Variants in AFF2 observed in about 807,000 individuals in gnomAD.
AFF2 encodes the protein ALF transcription elongation factor 2.
A neutral mutation model predicts 76.9 loss-of-function variants in AFF2; 14 were observed. That is an observed-to-expected ratio of 0.18 (90% CI 0.12 to 0.28). AFF2 has a LOEUF of 0.28. Among genes scored for constraint, AFF2 ranks in the 10% least tolerant of loss-of-function variants. The pLI is 1.00. For missense variants in AFF2, 868 were observed against 1,001.1 expected (o/e 0.87, Z 1.79); for synonymous variants, 398 against 366.7 (o/e 1.09, Z -0.98).
intron 3 of AFF2, among the ~76,000 whole-genome samples, chrX:148,803,471 A>G (rs1333138835): frequency 2.7e-5 from 3 of 111,510 alleles, no homozygotes; most frequent in Non-Finnish European, 3.8e-5. Flanking sequence ...GAGACAGGGC[A>G]TCCTTGAGGG....
In AFF2 at chrX:148,829,423, A is replaced by G. The variant is rs143598470; in HGVS notation, c.1087-8224A>G. Among the ~76,000 whole-genome samples the G allele has an allele frequency of 5.7e-3, 633 of 111,802 alleles. 4 individuals carry two copies. The highest frequency in any genetic ancestry group is 9.5e-3 in the Non-Finnish European group (503 of 53,131). ...CTAGTGATCAAGCCTAGGAAAGTCTATGGTTCCACTGTTGTTAGATTTTCT... is the reference window on the plus strand; with the variant it reads ...CTAGTGATCAAGCCTAGGAAAGTCTGTGGTTCCACTGTTGTTAGATTTTCT... On this transcript the variant is annotated intron_variant, in intron 4 of 20. Transcript: ENST00000370460.
chrX:148,858,913 T>G (rs1557276160), intron 7 of AFF2, among the ~76,000 whole-genome samples: 1 of 108,904 alleles, frequency 9.2e-6, no homozygotes. Flanking sequence ...TATTGTATAG[T>G]TCATATACTA....
chrX:148,594,104 T>C (rs1246480767), intron 1 of AFF2, among the ~76,000 whole-genome samples: 4 of 110,655 alleles, frequency 3.6e-5, no homozygotes, highest in African/African-American at 1.3e-4. Flanking sequence ...GGAATTTCGG[T>C]TTATGAAACA....
rs1036942079 is a variant in AFF2, at chrX:148,953,744, G to A, written c.1557+5G>A. On this transcript the variant is annotated splice_donor_5th_base_variant and intron_variant, in intron 10 of 20. Transcript: ENST00000370460. ...CCTCGTGTGGCAACTCCAGAGGTGA[G>A]TGAAGGTGCCAGGGCCCTAACCATG... 2 of 1,202,156 alleles carry A rather than the reference G, an allele frequency of 1.7e-6. No homozygotes were observed. The highest frequency in any genetic ancestry group is 1.8e-5 in the South Asian group (1 of 55,242).
intron 4 of AFF2, among the ~76,000 whole-genome samples, chrX:148,833,053 G>A (rs1411365135): frequency 9.0e-6 from 1 of 111,071 alleles, no homozygotes; most frequent in African/African-American, 3.3e-5. Flanking sequence ...CACTATTTGA[G>A]CAGCTACTAT....
At chrX:148,805,709 G>A (rs2070121869) in intron 3 of AFF2, among the ~76,000 whole-genome samples, 1 of 112,661 alleles carries the variant, frequency 8.9e-6, no homozygotes, top group Non-Finnish European at 1.9e-5. Flanking sequence ...TTATCACCAG[G>A]CAGATAATTT....
At chrX:148,532,061 A>G (rs1284994903) in intron 1 of AFF2, among the ~76,000 whole-genome samples, 1 of 111,153 alleles carries the variant, frequency 9.0e-6, no homozygotes, top group Admixed American at 9.6e-5. Context: ...AAGACAGAAC[A>G]TACAAATTGA....
intron 1 of AFF2, among the ~76,000 whole-genome samples, chrX:148,618,406 G>A (rs73618390): frequency 0.17 from 19,092 of 110,465 alleles, 1,229 homozygotes; most frequent in Non-Finnish European, 0.2. Flanking sequence ...GCCGACCAAA[G>A]GGGGAAAAGC....
rs1423383541 is a variant in AFF2, at chrX:148,719,350, C to T, written c.1041+56582C>T. 17 of 471,201 alleles carry T rather than the reference C, an allele frequency of 3.6e-5. No individual in the cohort carries two copies. The East Asian group carries it at 4.1e-4, about 11-fold the overall frequency. The allele number at this position is 471,201 out of a possible 1,213,427, so 38.8% of individuals were successfully genotyped here. A position where few individuals can be genotyped will look rare whatever the true frequency, so the allele number is the denominator to read the frequency against. ...GTGAGGTATTTCCTTTGGCTTAAAG[C>T]TATCCAAAGCACTGATTTAAATACA... On this transcript the variant is annotated intron_variant, in intron 3 of 20. Transcript: ENST00000370460.
Position 148,912,966 on chromosome X carries a change from C to T in AFF2, c.1397+8708C>T, listed in dbSNP as rs188328099. 7.7e-4 allele frequency among the ~76,000 whole-genome samples: 87 copies of T among 113,091 alleles called. 3 individuals are homozygous for T. Among genetic ancestry groups the T allele is most frequent in the Admixed American group, 7.1e-3 (77 of 10,791 alleles). On this transcript the variant is annotated intron_variant, in intron 9 of 20. Transcript: ENST00000370460. The stretch of plus-strand genomic sequence containing the variant: ...CTCTAGTCAATCTCTAACTGGCTCT[C>T]GCCAATTTAAGGACAATTAATGGAG...
chrX:148,835,788 CT>C (rs2070517206), intron 4 of AFF2, among the ~76,000 whole-genome samples: 1 of 110,917 alleles, frequency 9.0e-6, no homozygotes, highest in Non-Finnish European at 1.9e-5. Context: ...ACCTCACATA[CT>C]TTTTTTATGG....
chrX:148,568,021 A>T (rs1173566634), intron 1 of AFF2, among the ~76,000 whole-genome samples: 1 of 110,558 alleles, frequency 9.0e-6, no homozygotes, highest in Non-Finnish European at 1.9e-5. Context: ...AGTCCTTTTG[A>T]TATCATTGGG....
At chrX:148,618,613 T>TA (rs1408849173) in intron 1 of AFF2, among the ~76,000 whole-genome samples, 41 of 110,928 alleles carry the variant, frequency 3.7e-4, no homozygotes, top group Non-Finnish European at 5.3e-4. Flanking sequence ...GGATCTAATT[T>TA]AAAAAAAATA....
intron 9 of AFF2, among the ~76,000 whole-genome samples, chrX:148,940,759 A>G (rs1557285484): frequency 1.8e-5 from 2 of 111,732 alleles, no homozygotes; most frequent in Admixed American, 9.5e-5. Context: ...GTCCTCAGCT[A>G]TCTTATCACT....
intron 1 of AFF2, among the ~76,000 whole-genome samples, chrX:148,542,949 G>T (rs1305501658): frequency 1.8e-5 from 2 of 111,791 alleles, no homozygotes; most frequent in African/African-American, 6.5e-5. Flanking sequence ...TCACCAGGGG[G>T]AGAGCTGTAA....
chrX:148,681,120 G>A (rs2054542196), intron 3 of AFF2, among the ~76,000 whole-genome samples: 1 of 111,600 alleles, frequency 9.0e-6, no homozygotes, highest in African/African-American at 3.3e-5. Flanking sequence ...TTAGCTTTGT[G>A]ATTTGGACAA....
intron 3 of AFF2, among the ~76,000 whole-genome samples, chrX:148,697,164 T>A (rs962772560): frequency 3.6e-5 from 4 of 112,535 alleles, no homozygotes; most frequent in Non-Finnish European, 7.5e-5. Flanking sequence ...ATGAGCAACC[T>A]TAGAGCATGT....
rs1307052602 is a variant in AFF2, at chrX:148,773,618, AAAGG to A, written c.1042-36239_1042-36236del. On this transcript the variant is annotated intron_variant, in intron 3 of 20. Coordinates refer to ENST00000370460, the MANE Select transcript of AFF2 (RefSeq NM_002025.4). ...ATAGAGATGTAAAGCTGCTGTTCAA[AAAGG>A]AAGGAAGGAAGGAAGGAAAGGAGGG... Among the ~76,000 whole-genome samples the A allele has an allele frequency of 2.2e-3, 223 of 102,901 alleles. 1 individual carries two copies. Among genetic ancestry groups the A allele is most frequent in the Middle Eastern group, 9.5e-3 (2 of 210 alleles). The allele number at this position is 102,901 out of a possible 115,157, so 89.4% of individuals were successfully genotyped here. A position where few individuals can be genotyped will look rare whatever the true frequency, so the allele number is the denominator to read the frequency against.
At chrX:148,672,284 C>T (rs150917904) in intron 3 of AFF2, among the ~76,000 whole-genome samples, 573 of 112,172 alleles carry the variant, frequency 5.1e-3, no homozygotes, top group Non-Finnish European at 5.6e-3. Flanking sequence ...ATAACATAAA[C>T]CTGTTACCTT....
Sources: gnomAD v4.1 joint callset for allele counts (sites outside exome capture counted in the v4.1 genomes callset) on GRCh38, gnomAD v4.1.1 for gene constraint, MANE v1.5 for transcripts, NCBI Gene and HGNC (gene_info 2026-07-23, HGNC 2026-07-21) for gene names.